Variants in GRID2 observed in about 807,000 individuals in gnomAD.
GRID2 encodes the protein glutamate receptor ionotropic, delta-2.
Under a neutral mutation model 114.8 loss-of-function variants are expected in GRID2, and 33 were observed. The observed-to-expected ratio is 0.29, with a 90% CI of 0.22 to 0.38. The LOEUF is 0.38. Among genes scored for constraint, GRID2 ranks in the 10% least tolerant of loss-of-function variants. GRID2 has a pLI of 1.00. For missense variants in GRID2, 1,184 were observed against 1,257.7 expected (o/e 0.94, Z 0.89); for synonymous variants, 505 against 449.9 (o/e 1.12, Z -1.55).
At chr4:93,630,742 T>A (rs1743166884) in intron 14 of GRID2, among the ~76,000 whole-genome samples, 1 of 152,180 alleles carries the variant, frequency 6.6e-6, no homozygotes, top group Non-Finnish European at 1.5e-5. Flanking sequence ...GAACTAACAG[T>A]AGCTATGCCC....
At chr4:93,788,718 C>G (rs188190869) in intron 1 of GRID2, among the ~76,000 whole-genome samples, 126 of 152,242 alleles carry the variant, frequency 8.3e-4, no homozygotes, top group African/African-American at 2.9e-3. Flanking sequence ...GTCTCCTATG[C>G]GGTAGAATAA....
intron 2 of GRID2, among the ~76,000 whole-genome samples, chr4:92,769,463 C>T (rs531408012): frequency 6.6e-6 from 1 of 152,296 alleles, no homozygotes; most frequent in African/African-American, 2.4e-5. Context: ...TCCAGCTGCA[C>T]TAGGTGGTGC....
At chr4:92,593,011 G>T (rs1224926147) in intron 2 of GRID2, among the ~76,000 whole-genome samples, 1 of 151,930 alleles carries the variant, frequency 6.6e-6, no homozygotes, top group African/African-American at 2.4e-5. Context: ...ATGCAAACTT[G>T]TATTGAGAGG....
chr4:92,624,721 C>T (rs1730439986), intron 2 of GRID2, among the ~76,000 whole-genome samples: 1 of 151,602 alleles, frequency 6.6e-6, no homozygotes, highest in Admixed American at 6.6e-5. Flanking sequence ...TTAAAATATC[C>T]CCATACTCTT....
rs1428640324 is a variant in GRID2 at position 92,731,753 on chromosome 4, A to G, written c.244+141467A>G. 5.3e-5 allele frequency among the ~76,000 whole-genome samples: 8 copies of G among 152,062 alleles called. No homozygotes were observed. In the South Asian group the frequency reaches 1.5e-3, roughly 28 times the overall value. ...TCACATTTGTTCTCTTGTAAAAAGC[A>G]TGTCAATACCTAGGAGACAATAGAT... is the stretch of plus-strand genomic sequence containing the variant. On this transcript the variant is annotated intron_variant, in intron 2 of 15. Transcript: ENST00000282020.
chr4:93,237,318 C>T (rs974816690), intron 7 of GRID2, among the ~76,000 whole-genome samples: 1 of 151,802 alleles, frequency 6.6e-6, no homozygotes, highest in Non-Finnish European at 1.5e-5. Flanking sequence ...GGTAGGAAAA[C>T]ATCAATCAAA....
At chr4:93,252,790 G>T (rs1749118823) in intron 8 of GRID2, among the ~76,000 whole-genome samples, 1 of 151,956 alleles carries the variant, frequency 6.6e-6, no homozygotes. Flanking sequence ...CACTTCCCTT[G>T]TTAGCTGTAT....
At chr4:92,765,934 GGAGA>G (rs1290196650) in intron 2 of GRID2, among the ~76,000 whole-genome samples, 3 of 152,114 alleles carry the variant, frequency 2.0e-5, no homozygotes, top group Non-Finnish European at 1.5e-5. Flanking sequence ...GTGGAATTCA[GGAGA>G]GAGCTTTTAT....
intron 14 of GRID2, among the ~76,000 whole-genome samples, chr4:93,755,028 G>C (rs111673743): frequency 6.6e-6 from 1 of 152,164 alleles, no homozygotes; most frequent in Non-Finnish European, 1.5e-5. Context: ...CGTTGTGCAT[G>C]TAGCTCTTGC....
At chr4:93,477,116 T>G (rs1027463725) in intron 11 of GRID2, among the ~76,000 whole-genome samples, 2 of 151,894 alleles carry the variant, frequency 1.3e-5, no homozygotes, top group Admixed American at 1.3e-4. Flanking sequence ...CATCCCATGG[T>G]GGAGGGCAGA....
At chr4:93,426,087 A>G (rs1768817439) in intron 10 of GRID2, among the ~76,000 whole-genome samples, 1 of 152,200 alleles carries the variant, frequency 6.6e-6, no homozygotes, top group Non-Finnish European at 1.5e-5. Context: ...AGGAATGGAG[A>G]AGAGTAGAAA....
intron 1 of GRID2, among the ~76,000 whole-genome samples, chr4:92,343,642 C>T (rs1175283251): frequency 1.3e-5 from 2 of 151,388 alleles, no homozygotes; most frequent in African/African-American, 4.9e-5. Flanking sequence ...GGTGTGATCT[C>T]GGCTCACTGG....
intron 7 of GRID2, among the ~76,000 whole-genome samples, chr4:93,230,023 C>T (rs1745933612): frequency 6.6e-6 from 1 of 151,892 alleles, no homozygotes; most frequent in African/African-American, 2.4e-5. Flanking sequence ...TGAGTCTTTC[C>T]ATCTATAACA....
chr4:93,281,373 G>C (rs531011644), intron 8 of GRID2, among the ~76,000 whole-genome samples: 2 of 151,928 alleles, frequency 1.3e-5, no homozygotes, highest in Admixed American at 1.3e-4. Context: ...TCTGAAGAGG[G>C]CAGCAAGAGT....
At chr4:92,873,087 A>C (rs1363477898) in intron 2 of GRID2, among the ~76,000 whole-genome samples, 2 of 152,212 alleles carry the variant, frequency 1.3e-5, no homozygotes, top group Non-Finnish European at 2.9e-5. Context: ...AAATTGGACT[A>C]TGATAGAGCT....
chr4:93,135,391 A>G (rs150830896), intron 4 of GRID2, among the ~76,000 whole-genome samples: 24 of 152,286 alleles, frequency 1.6e-4, no homozygotes, highest in Non-Finnish European at 2.1e-4. Context: ...TGTTGTTTTC[A>G]GTTGTTGGTG....
intron 8 of GRID2, among the ~76,000 whole-genome samples, chr4:93,383,982 A>C (rs1764096143): frequency 6.6e-6 from 1 of 152,084 alleles, no homozygotes; most frequent in Admixed American, 6.6e-5. Flanking sequence ...AAAATACCTT[A>C]GTTTGGGTAA....
intron 2 of GRID2, among the ~76,000 whole-genome samples, chr4:92,938,970 G>A (rs1308825174): frequency 1.4e-5 from 2 of 147,020 alleles, no homozygotes; most frequent in Non-Finnish European, 3.0e-5. Context: ...ATCATTGTTG[G>A]ACATTTGGGT....
chr4:92,777,304 C>CAAAA (rs1738856393), intron 2 of GRID2, among the ~76,000 whole-genome samples: 2 of 151,920 alleles, frequency 1.3e-5, no homozygotes, highest in African/African-American at 4.8e-5. Context: ...TTTTTCTCCC[C>CAAAA]TTTTATGACC....
Sources: gnomAD v4.1 joint callset for allele counts (sites outside exome capture counted in the v4.1 genomes callset) on GRCh38, gnomAD v4.1.1 for gene constraint, MANE v1.5 for transcripts, NCBI Gene and HGNC (gene_info 2026-07-23, HGNC 2026-07-21) for gene names.